ITGB3: variants seen among roughly 807,000 people sequenced by gnomAD.
ITGB3 encodes the protein integrin subunit beta 3, also known as integrin beta-3.
ITGB3 carries 48 observed loss-of-function variants against 85.8 expected under a neutral mutation model. That is an observed-to-expected ratio of 0.56 (90% CI 0.44 to 0.71). The LOEUF is 0.71. Among genes scored for constraint, ITGB3 ranks in the 30% least tolerant of loss-of-function variants. ITGB3 has a pLI of 0.00. For synonymous variants in ITGB3, 363 were observed against 395.6 expected (o/e 0.92, Z 0.98); for missense variants, 861 against 1,019.1 (o/e 0.84, Z 2.11).
intron 10 of ITGB3, among the ~76,000 whole-genome samples, chr17:47,298,140 T>G (rs1413439662): frequency 6.6e-6 from 1 of 152,060 alleles, no homozygotes; most frequent in East Asian, 1.9e-4. Flanking sequence ...ATTAAAAAAA[T>G]GTTGAATTGT....
At chr17:47,291,546 G>GA in intron 9 of ITGB3, 1 of 287,746 alleles carries the variant, frequency 3.5e-6, no homozygotes, top group Non-Finnish European at 6.4e-6. Context: ...TGCCTAAGGG[G>GA]AGAGGGGTTG....
intron 1 of ITGB3, among the ~76,000 whole-genome samples, chr17:47,260,069 T>A (rs4629025): frequency 0.4 from 60,889 of 151,866 alleles, 12,619 homozygotes; most frequent in East Asian, 0.58. Flanking sequence ...CGCATTTATG[T>A]TTATTTGTGT....
rs934316834 is a variant in ITGB3, at chr17:47,253,909, G to T, written c.48G>T (p.Ala16=). ...GGCCGCTCTGGGCGACTGTGCTGGC[G>T]CTGGGGGCGCTGGCGGGCGTTGGCG... ...RPRPLWATVL[A]LGALAGVGVG... The change falls in exon 1 of 15, where the codon GCG becomes GCT. Residue 16 remains alanine (A), a synonymous_variant. Coordinates refer to ENST00000559488, the MANE Select transcript of ITGB3 (RefSeq NM_000212.3). The T allele has an allele frequency of 1.4e-6, 2 of 1,405,598 alleles. No individual in the cohort carries two copies. The highest frequency in any genetic ancestry group is 2.5e-5 in the Admixed American group (1 of 39,236). The allele number at this position is 1,405,598 out of a possible 1,614,324, so 87.1% of individuals were successfully genotyped here. A position where few individuals can be genotyped will look rare whatever the true frequency, so the allele number is the denominator to read the frequency against.
intron 14 of ITGB3, among the ~76,000 whole-genome samples, chr17:47,309,883 G>A (rs1179261787): frequency 7.6e-6 from 1 of 130,720 alleles, no homozygotes; most frequent in East Asian, 2.3e-4. Context: ...GCAACAAAAT[G>A]AGACCCTGTC....
In ITGB3 at chr17:47,296,346, G is replaced by T. The variant is rs140169091; in HGVS notation, c.1691-2962G>T. 6.1e-3 allele frequency among the ~76,000 whole-genome samples: 927 copies of T among 152,268 alleles called. 13 individuals carry two copies. Among genetic ancestry groups the T allele is most frequent in the African/African-American group, 0.022 (901 of 41,530 alleles). On this transcript the variant is annotated intron_variant, in intron 10 of 14. Transcript: ENST00000559488. The stretch of plus-strand genomic sequence containing the variant: ...ACTCCTGGGCTCAAGTGATCCTTCT[G>T]CCTTAGTCTCCGAAGTAGCTAGGAC...
chr17:47,288,212 G>A (rs1567765366), intron 6 of ITGB3, among the ~76,000 whole-genome samples: 4 of 126,734 alleles, frequency 3.2e-5, no homozygotes. Flanking sequence ...TAGAAAGAGA[G>A]AGAGAGAGAG....
chr17:47,273,263 G>A (rs531285962), intron 1 of ITGB3, among the ~76,000 whole-genome samples: 4 of 152,236 alleles, frequency 2.6e-5, no homozygotes, highest in African/African-American at 7.2e-5. Flanking sequence ...AAATAGGTTC[G>A]CTGGTCTTAC....
At chr17:47,290,835 C>A in intron 8 of ITGB3, 119 bp from the exon 9 acceptor site, 2 of 1,177,782 alleles carry the variant, frequency 1.7e-6, no homozygotes, top group Non-Finnish European at 2.5e-6. Flanking sequence ...TGGCCTCTGG[C>A]ACTGCTGGGG....
chr17:47,300,121 TG>T (rs2065160679), intron 11 of ITGB3, among the ~76,000 whole-genome samples: 2 of 152,218 alleles, frequency 1.3e-5, no homozygotes. Flanking sequence ...ATTTTCATTT[TG>T]CACTGGGCCC....
At chr17:47,256,008 A>T (rs1447246223) in intron 1 of ITGB3, among the ~76,000 whole-genome samples, 4 of 150,570 alleles carry the variant, frequency 2.7e-5, no homozygotes, top group African/African-American at 7.3e-5. Context: ...CATAATTAAA[A>T]AAAGGGTATC....
In ITGB3 at chr17:47,283,343, C is replaced by T. The variant is rs1224664451; in HGVS notation, c.166-11C>T. The T allele has an allele frequency of 6.2e-7, 1 of 1,614,106 alleles. No individual in the cohort carries two copies. Among genetic ancestry groups the T allele is most frequent in the East Asian group, 2.2e-5 (1 of 44,890 alleles). On this transcript the variant is annotated splice_polypyrimidine_tract_variant and intron_variant, in intron 2 of 14. Transcript: ENST00000559488. Reference sequence around the variant, plus strand: ...GATTGCTGGACTTCTCTTTGGGCTCCTGTCTTACAGGCCCTGCCTCTGGGC... The same window carrying T: ...GATTGCTGGACTTCTCTTTGGGCTCTTGTCTTACAGGCCCTGCCTCTGGGC...
At chr17:47,283,153 T>G (rs1030718577) in intron 2 of ITGB3, among the ~76,000 whole-genome samples, 1 of 152,072 alleles carries the variant, frequency 6.6e-6, no homozygotes, top group African/African-American at 2.4e-5. Flanking sequence ...GCAGTCCTCA[T>G]GCCTTGGCCT....
At chr17:47,256,018 C>A (rs1427528114) in intron 1 of ITGB3, among the ~76,000 whole-genome samples, 2 of 151,940 alleles carry the variant, frequency 1.3e-5, no homozygotes, top group South Asian at 2.1e-4. Context: ...AAAAGGGTAT[C>A]CTTGTCCTGT....
intron 2 of ITGB3, among the ~76,000 whole-genome samples, chr17:47,281,243 G>C (rs1056002052): frequency 2.0e-5 from 3 of 152,212 alleles, no homozygotes; most frequent in Non-Finnish European, 4.4e-5. Context: ...TGGAAGTGCT[G>C]GTTGGGGATG....
chr17:47,306,733 T>G (rs1168520410), intron 13 of ITGB3, among the ~76,000 whole-genome samples: 6 of 152,098 alleles, frequency 3.9e-5, no homozygotes, highest in Non-Finnish European at 7.4e-5. Flanking sequence ...CAGGCTGGAG[T>G]GTAATGGTGT....
intron 12 of ITGB3, 41 bp from the exon 13 acceptor site, chr17:47,302,680 A>G: frequency 6.2e-7 from 1 of 1,612,860 alleles, no homozygotes; most frequent in South Asian, 1.1e-5. Context: ...ATCTTCCAGT[A>G]GTTGTCTCAC....
At chr17:47,304,669 G>A (rs553984002) in intron 13 of ITGB3, among the ~76,000 whole-genome samples, 27 of 152,164 alleles carry the variant, frequency 1.8e-4, no homozygotes, top group Admixed American at 5.9e-4. Flanking sequence ...GTACAGCGGC[G>A]TGATCTTGGC....
chr17:47,254,277 T>C (rs912795988), intron 1 of ITGB3, among the ~76,000 whole-genome samples: 7 of 151,756 alleles, frequency 4.6e-5, no homozygotes, highest in Admixed American at 4.6e-4. Context: ...TCGCGGGTGG[T>C]CCTGGTCGGG....
chr17:47,287,279 T>C (rs2065106432), intron 6 of ITGB3, 48 bp downstream of exon 6: 1 of 1,605,706 alleles, frequency 6.2e-7, no homozygotes, highest in Admixed American at 1.7e-5. Flanking sequence ...ATTGTGAGGG[T>C]TGCCCTAATC....
Sources: gnomAD v4.1 joint callset for allele counts (sites outside exome capture counted in the v4.1 genomes callset) on GRCh38, gnomAD v4.1.1 for gene constraint, MANE v1.5 for transcripts, NCBI Gene and HGNC (gene_info 2026-07-23, HGNC 2026-07-21) for gene names.